Variants in MYT1 observed in about 807,000 individuals in gnomAD.
The protein encoded by MYT1 is myelin transcription factor 1, also known as myelin transcription factor I.
In MYT1, 23 loss-of-function variants were observed where a neutral mutation model predicts 123.0. The ratio of observed to expected loss-of-function variants is 0.19; its 90% confidence interval spans 0.13 to 0.26. The LOEUF is 0.26. MYT1 is among the 10% of genes least tolerant of loss of function. The pLI, the probability that MYT1 is intolerant of heterozygous loss-of-function variation, is 1.00. For synonymous variants in MYT1, 518 were observed against 575.3 expected (o/e 0.90, Z 1.43); for missense variants, 1,125 against 1,472.5 (o/e 0.76, Z 3.86).
Position 64,189,008 on chromosome 20 carries a change from G to A in MYT1, c.-98-1055G>A, listed in dbSNP as rs1034930586. ...TGCTTTCCTCTGTGTTTATGCTCTGGAAGGTAATCCGAAGCCCTTTAATGG... is the reference window on the plus strand; with the variant it reads ...TGCTTTCCTCTGTGTTTATGCTCTGAAAGGTAATCCGAAGCCCTTTAATGG... On this transcript the variant is annotated intron_variant, in intron 1 of 22. Coordinates refer to ENST00000328439, the MANE Select transcript of MYT1 (RefSeq NM_004535.3). The surrounding 1 kb of genome is among the most constrained non-coding windows in gnomAD (Gnocchi z 5.5). Among the ~76,000 whole-genome samples, 2 of 152,328 alleles carry A rather than the reference G, an allele frequency of 1.3e-5. No homozygotes were observed. The highest frequency in any genetic ancestry group is 2.9e-5 in the Non-Finnish European group (2 of 68,036).
chr20:64,181,598 T>C (rs1199984146), intron 1 of MYT1, among the ~76,000 whole-genome samples: 1 of 151,982 alleles, frequency 6.6e-6, no homozygotes, highest in East Asian at 1.9e-4. Flanking sequence ...GTCTGGAGAG[T>C]CTGTGTCCTG....
chr20:64,218,771 T>A lies in MYT1; in HGVS notation c.1847-140T>A, dbSNP rs1342026969. 2 of 1,133,624 alleles carry A rather than the reference T, an allele frequency of 1.8e-6. No individual in the cohort carries two copies. Among genetic ancestry groups the A allele is most frequent in the Non-Finnish European group, 2.6e-6 (2 of 766,532 alleles). The allele number at this position is 1,133,624 out of a possible 1,614,324, so 70.2% of individuals were successfully genotyped here. A position where few individuals can be genotyped will look rare whatever the true frequency, so the allele number is the denominator to read the frequency against. ...AAAGTGCCCCCTCCCCACTGACTTG[T>A]CTGCATTGCTGCCTCTTTTCAAGTT... On this transcript the variant is annotated intron_variant, in intron 11 of 22. Transcript: ENST00000328439. The surrounding 1 kb of genome is among the most constrained non-coding windows in gnomAD (Gnocchi z 4.0).
In MYT1 at chr20:64,219,824, G is replaced by A. The variant is rs1314252150; in HGVS notation, c.2083G>A (p.Val695Met). The stretch of plus-strand genomic sequence containing the variant: ...CAGCAGCTGCAGCAGCAGCCCCGGT[G>A]TGAAGTCTCCCGACGCCTCCCAGCG... The part of the protein sequence containing the change: ...SSSSCSSSPG[V>M]KSPDASQRHS... The change falls in exon 13 of 23, where the codon GTG (valine) becomes ATG (methionine). Residue 695 changes from valine to methionine, a missense_variant. Physicochemically the swap from Val to Met is conservative, Grantham distance 21. Around this residue, in one of 4 missense-constraint regions of MYT1, gnomAD observed 429 missense variants for 604.1 expected, o/e 0.71. Transcript: ENST00000328439. 5.0e-6 allele frequency: 8 copies of A among 1,613,138 alleles called. No individual in the cohort carries two copies. The highest frequency in any genetic ancestry group is 5.1e-6 in the Non-Finnish European group (6 of 1,179,700).
rs191794100 is a variant in MYT1, at chr20:64,190,863, G to A, written c.-1+703G>A. ...ATGCGCCTGTAATCCCAGCTACTGG[G>A]GAGGCTGAGGCAGGAGAATCACTTG... On this transcript the variant is annotated intron_variant, in intron 2 of 22. Coordinates refer to ENST00000328439, the MANE Select transcript of MYT1 (RefSeq NM_004535.3). This position sits in a 1 kb window ranked among gnomAD's most constrained non-coding sequence, Gnocchi z 4.1. Among the ~76,000 whole-genome samples the A allele has an allele frequency of 6.6e-6, 1 of 152,308 alleles. No individual in the cohort carries two copies. The highest frequency in any genetic ancestry group is 2.4e-5 in the African/African-American group (1 of 41,558).
Position 64,219,705 on chromosome 20 carries a change from C to T in MYT1, c.1972-8C>T, listed in dbSNP as rs1983940402. ...AATCGCTAACAGATCTCACCTTTGCCATTGCAGTCTGTGGATATCGAGGTA... is the reference window on the plus strand; with the variant it reads ...AATCGCTAACAGATCTCACCTTTGCTATTGCAGTCTGTGGATATCGAGGTA... On this transcript the variant is annotated splice_polypyrimidine_tract_variant and splice_region_variant and intron_variant, in intron 12 of 22. Transcript: ENST00000328439. 1 of 1,605,170 alleles carries T rather than the reference C, an allele frequency of 6.2e-7. No homozygotes were observed. Among genetic ancestry groups the T allele is most frequent in the South Asian group, 1.1e-5 (1 of 89,940 alleles).
In MYT1 at chr20:64,218,864, C is replaced by T. The variant is rs759560905; in HGVS notation, c.1847-47C>T. The T allele has an allele frequency of 1.3e-4, 202 of 1,611,870 alleles. No individual in the cohort carries two copies. Among genetic ancestry groups the T allele is most frequent in the Non-Finnish European group, 1.6e-4 (192 of 1,179,912 alleles). On this transcript the variant is annotated intron_variant, in intron 11 of 22. Coordinates refer to ENST00000328439, the MANE Select transcript of MYT1 (RefSeq NM_004535.3). The surrounding 1 kb of genome is among the most constrained non-coding windows in gnomAD (Gnocchi z 4.0). ...TCCCAAAGGCCTCTTCCCCCAGGCA[C>T]AGCCCCTCCAGTAGTTATGTGAGGA...
intron 17 of MYT1, 51 bp downstream of exon 17, chr20:64,227,528 C>T (rs1459045406): frequency 2.0e-6 from 3 of 1,525,614 alleles, no homozygotes; most frequent in East Asian, 4.5e-5. Context: ...GGCAGGGAGT[C>T]TCTTCCTTAT....
intron 1 of MYT1, among the ~76,000 whole-genome samples, chr20:64,177,481 G>A (rs763224009): frequency 5.9e-5 from 9 of 152,102 alleles, no homozygotes; most frequent in Non-Finnish European, 1.0e-4. Flanking sequence ...CCCAAACCCC[G>A]GAGCAGAAGC....
chr20:64,206,637 A>T (rs911246331), intron 6 of MYT1, among the ~76,000 whole-genome samples: 7 of 152,206 alleles, frequency 4.6e-5, no homozygotes, highest in Middle Eastern at 3.2e-3. Flanking sequence ...GAGGGTCCTC[A>T]ACCCCAGCTC....
rs1007832929 is a variant in MYT1 at position 64,185,386 on chromosome 20, C to T, written c.-98-4677C>T. On this transcript the variant is annotated intron_variant, in intron 1 of 22. Transcript: ENST00000328439. The surrounding 1 kb of genome is among the most constrained non-coding windows in gnomAD (Gnocchi z 4.5). ...GCTCCTCTCAAGTGACTACCCTTCC[C>T]CTCTTTGCTGAGGGGCAGGTGGTAA... 2.6e-5 allele frequency among the ~76,000 whole-genome samples: 4 copies of T among 152,146 alleles called. No individual in the cohort carries two copies. Among genetic ancestry groups the T allele is most frequent in the African/African-American group, 9.7e-5 (4 of 41,426 alleles).
Position 64,213,790 on chromosome 20 carries a change from T to TGTAC in MYT1, c.1631+145_1631+146insACGT. 4 of 713,208 alleles carry TGTAC rather than the reference T, an allele frequency of 5.6e-6. No individual in the cohort carries two copies. Among genetic ancestry groups the TGTAC allele is most frequent in the Non-Finnish European group, 9.4e-6 (4 of 424,624 alleles). 44.2% of individuals were successfully genotyped at this position (713,208 alleles called of 1,614,324 possible). A position where few individuals can be genotyped will look rare whatever the true frequency, so the allele number is the denominator to read the frequency against. Reference sequence around the variant, plus strand: ...GCATGTGAGTGTACGTGCATGTGAGTGTGCACATGCCCCGGGCCCCCCAGG... The same window carrying TGTAC: ...GCATGTGAGTGTACGTGCATGTGAGTGTACGTGCACATGCCCCGGGCCCCCCAGG... On this transcript the variant is annotated intron_variant, in intron 10 of 22. Transcript: ENST00000328439. The surrounding 1 kb of genome is among the most constrained non-coding windows in gnomAD (Gnocchi z 5.6).
chr20:64,165,550 AG>A (rs1299642642), intron 1 of MYT1, among the ~76,000 whole-genome samples: 2 of 152,190 alleles, frequency 1.3e-5, no homozygotes, highest in Non-Finnish European at 2.9e-5. Flanking sequence ...AAAATAAACA[AG>A]TGCTGGTGGC....
Position 64,231,471 on chromosome 20 carries a change from AC to A in MYT1, c.2676-692del, listed in dbSNP as rs1984317936. Reference sequence around the variant, plus strand: ...TAAGGGCCTCTATCCCTCTCCTGGAACACCCAGAACGAAGGAAAGGAAAACA... The same window carrying A: ...TAAGGGCCTCTATCCCTCTCCTGGAAACCCAGAACGAAGGAAAGGAAAACA... On this transcript the variant is annotated intron_variant, in intron 18 of 22. Coordinates refer to ENST00000328439, the MANE Select transcript of MYT1 (RefSeq NM_004535.3). The surrounding 1 kb of genome is among the most constrained non-coding windows in gnomAD (Gnocchi z 6.4). Among the ~76,000 whole-genome samples, 1 of 152,218 alleles carries A rather than the reference AC, an allele frequency of 6.6e-6. No individual in the cohort carries two copies. The highest frequency in any genetic ancestry group is 2.1e-4 in the South Asian group (1 of 4,834).
chr20:64,165,926 G>T (rs991881507), intron 1 of MYT1, among the ~76,000 whole-genome samples: 2 of 152,148 alleles, frequency 1.3e-5, no homozygotes, highest in African/African-American at 4.8e-5. Flanking sequence ...CAGACCTGGG[G>T]GGGCCCACTC....
At chr20:64,198,082 G>A (rs1175742869) in intron 2 of MYT1, among the ~76,000 whole-genome samples, 3 of 151,936 alleles carry the variant, frequency 2.0e-5, no homozygotes, top group East Asian at 1.9e-4. Context: ...TCAGGAGATC[G>A]AGACCGTCCT....
intron 7 of MYT1, among the ~76,000 whole-genome samples, chr20:64,209,428 C>G (rs750798): frequency 0.18 from 27,863 of 152,140 alleles, 2,921 homozygotes; most frequent in African/African-American, 0.27. Flanking sequence ...GGGCACTTGG[C>G]CTCTATTCTC....
At chr20:64,224,189 G>A (rs1984098558) in intron 16 of MYT1, among the ~76,000 whole-genome samples, 2 of 152,308 alleles carry the variant, frequency 1.3e-5, no homozygotes, top group African/African-American at 4.8e-5. Flanking sequence ...GGAGGAAGGG[G>A]GTCCCATTCT....
chr20:64,238,610 G>A lies in MYT1; in HGVS notation c.3094-1150G>A, dbSNP rs572597242. Among the ~76,000 whole-genome samples, 239 of 116,106 alleles carry A rather than the reference G, an allele frequency of 2.1e-3. 2 individuals are homozygous for A. The Middle Eastern group carries it at 0.021, about 10-fold the overall frequency. 76.2% of individuals were successfully genotyped at this position (116,106 alleles called of 152,430 possible). The stretch of plus-strand genomic sequence containing the variant: ...GTTCATAGGCAGTGACGACAGAGAA[G>A]GAGTGATGGCCCTCCCGGCGGAGCC... On this transcript the variant is annotated intron_variant, in intron 21 of 22. Coordinates refer to ENST00000328439, the MANE Select transcript of MYT1 (RefSeq NM_004535.3).
chr20:64,177,683 C>T (rs560726464), intron 1 of MYT1, among the ~76,000 whole-genome samples: 3 of 151,976 alleles, frequency 2.0e-5, no homozygotes, highest in East Asian at 1.9e-4. Context: ...TACCCCTCTC[C>T]GGAGCTAGTG....
Sources: allele counts gnomAD v4.1 joint callset (sites outside exome capture counted in the v4.1 genomes callset), GRCh38; gene constraint gnomAD v4.1.1; regional missense constraint gnomAD v4.1.1; non-coding constraint Gnocchi (gnomAD v3.1); transcripts MANE v1.5; gene names NCBI Gene and HGNC (gene_info 2026-07-23, HGNC 2026-07-21).